Variants in LRRC4C observed in about 807,000 individuals in gnomAD.
LRRC4C encodes leucine rich repeat containing 4C.
Under a neutral mutation model 33.6 loss-of-function variants are expected in LRRC4C, and 5 were observed. The observed-to-expected ratio is 0.15, with a 90% confidence interval of 0.08 to 0.31. The LOEUF is 0.31. Among genes scored for constraint, LRRC4C ranks in the 10% least tolerant of loss-of-function variants. The probability of loss-of-function intolerance (pLI) is 1.00; values close to 1 mark genes in which losing one functional copy is unlikely to be tolerated. For synonymous variants in LRRC4C, 329 were observed against 302.0 expected (o/e 1.09, Z -0.93); for missense variants, 560 against 796.7 (o/e 0.70, Z 3.58).
chr11:40,360,735 C>T (rs796569796), intron 3 of LRRC4C, among the ~76,000 whole-genome samples: 2 of 152,066 alleles, frequency 1.3e-5, no homozygotes, highest in Non-Finnish European at 2.9e-5. Context: ...GGGACTCCTC[C>T]CTAACTCATT....
intron 3 of LRRC4C, among the ~76,000 whole-genome samples, chr11:40,585,109 T>A (rs1339880262): frequency 6.6e-6 from 1 of 152,152 alleles, no homozygotes; most frequent in Non-Finnish European, 1.5e-5. Context: ...GGTTGGCCTA[T>A]GCAGATAGGA....
chr11:40,545,296 A>G (rs905986765), intron 3 of LRRC4C, among the ~76,000 whole-genome samples: 1 of 152,026 alleles, frequency 6.6e-6, no homozygotes, highest in African/African-American at 2.4e-5. Context: ...GTTTGTTAAA[A>G]GAGGATAGGA....
chr11:41,037,546 TTGC>T (rs1857158028), intron 1 of LRRC4C, among the ~76,000 whole-genome samples: 1 of 150,242 alleles, frequency 6.7e-6, no homozygotes, highest in South Asian at 2.1e-4. Flanking sequence ...GCATACATGC[TTGC>T]TGAACTTTCT....
chr11:41,308,849 G>A (rs558094843), intron 1 of LRRC4C, among the ~76,000 whole-genome samples: 1 of 151,538 alleles, frequency 6.6e-6, no homozygotes, highest in East Asian at 1.9e-4. Context: ...TTGTCACCCA[G>A]GCTGGAGTGC....
At chr11:40,312,787 T>G (rs1249233837) in intron 4 of LRRC4C, among the ~76,000 whole-genome samples, 1 of 152,216 alleles carries the variant, frequency 6.6e-6, no homozygotes, top group Non-Finnish European at 1.5e-5. Flanking sequence ...GTCAACAATC[T>G]GGATGAAAAT....
chr11:41,194,269 C>T (rs2136226473), intron 1 of LRRC4C, among the ~76,000 whole-genome samples: 1 of 152,136 alleles, frequency 6.6e-6, no homozygotes, highest in Non-Finnish European at 1.5e-5. Flanking sequence ...TTTAGGTAGA[C>T]AAAAGTTAAA....
chr11:40,331,719 C>T (rs974125260), intron 3 of LRRC4C, among the ~76,000 whole-genome samples: 2 of 152,106 alleles, frequency 1.3e-5, no homozygotes, highest in Non-Finnish European at 2.9e-5. Flanking sequence ...CTTCTCCTGC[C>T]GTCAGATATC....
chr11:40,791,106 A>C (rs1381751961), intron 2 of LRRC4C, among the ~76,000 whole-genome samples: 1 of 152,142 alleles, frequency 6.6e-6, no homozygotes, highest in East Asian at 1.9e-4. Context: ...GATTATTTAA[A>C]GCTCACTCCC....
At chr11:40,785,443 T>C (rs1950374911) in intron 2 of LRRC4C, among the ~76,000 whole-genome samples, 1 of 152,172 alleles carries the variant, frequency 6.6e-6, no homozygotes, top group African/African-American at 2.4e-5. Flanking sequence ...AGAGGCACTT[T>C]TTTGATATAT....
chr11:41,256,705 C>T (rs11036320), intron 1 of LRRC4C, among the ~76,000 whole-genome samples: 9,780 of 152,040 alleles, frequency 0.064, 325 homozygotes, highest in African/African-American at 0.078. Context: ...TGCGTGTTGT[C>T]TTACATTGAG....
intron 4 of LRRC4C, among the ~76,000 whole-genome samples, chr11:40,250,097 C>T (rs958210664): frequency 6.6e-6 from 1 of 151,266 alleles, no homozygotes; most frequent in Non-Finnish European, 1.5e-5. Flanking sequence ...AGACCTCTCC[C>T]AATTCTAATC....
chr11:41,041,454 C>G (rs1023663992), intron 1 of LRRC4C, among the ~76,000 whole-genome samples: 4 of 152,156 alleles, frequency 2.6e-5, no homozygotes, highest in Admixed American at 6.5e-5. Flanking sequence ...CCATACAGTA[C>G]TGTTCCGGTC....
intron 1 of LRRC4C, among the ~76,000 whole-genome samples, chr11:41,036,311 G>A (rs950422025): frequency 6.6e-6 from 1 of 152,054 alleles, no homozygotes; most frequent in Non-Finnish European, 1.5e-5. Context: ...GTGTTTTCAA[G>A]GCATTATAGC....
chr11:41,398,755 C>A (rs763410269), intron 1 of LRRC4C, among the ~76,000 whole-genome samples: 7 of 151,822 alleles, frequency 4.6e-5, no homozygotes, highest in Non-Finnish European at 8.8e-5. Context: ...ATAATAATAA[C>A]AGCAACACAC....
intron 2 of LRRC4C, among the ~76,000 whole-genome samples, chr11:40,738,042 A>G (rs1947973780): frequency 6.6e-6 from 1 of 152,176 alleles, no homozygotes; most frequent in South Asian, 2.1e-4. Context: ...AATGGAACAG[A>G]ACAGAGGCCT....
chr11:40,934,045 C>T (rs1957755440), intron 1 of LRRC4C, among the ~76,000 whole-genome samples: 1 of 152,132 alleles, frequency 6.6e-6, no homozygotes, highest in Non-Finnish European at 1.5e-5. Context: ...ATATCTGGTG[C>T]TGTTTATCCC....
At chr11:40,909,046 A>G (rs1170520944) in intron 2 of LRRC4C, among the ~76,000 whole-genome samples, 6 of 152,110 alleles carry the variant, frequency 3.9e-5, no homozygotes, top group Middle Eastern at 3.2e-3. Flanking sequence ...CATAAGGAAC[A>G]ACTAACACTT....
chr11:40,344,853 C>T (rs965675309), intron 3 of LRRC4C, among the ~76,000 whole-genome samples: 11 of 151,978 alleles, frequency 7.2e-5, no homozygotes, highest in African/African-American at 1.7e-4. Context: ...CTCCTGTACA[C>T]GAAGAACATC....
chr11:40,376,016 T>A (rs1453387843), intron 3 of LRRC4C, among the ~76,000 whole-genome samples: 1 of 152,208 alleles, frequency 6.6e-6, no homozygotes, highest in African/African-American at 2.4e-5. Flanking sequence ...CCTGGAAGAT[T>A]GCTAAGTAAA....
Sources: allele counts gnomAD v4.1 joint callset (sites outside exome capture counted in the v4.1 genomes callset), GRCh38; gene constraint gnomAD v4.1.1; transcripts MANE v1.5; gene names NCBI Gene and HGNC (gene_info 2026-07-23, HGNC 2026-07-21).